TTLL7: variants seen among roughly 807,000 people sequenced by gnomAD.
TTLL7 encodes the protein tubulin tyrosine ligase like 7, also known as tubulin polyglutamylase TTLL7.
A neutral mutation model predicts 120.2 loss-of-function variants in TTLL7; 53 were observed. That is an observed-to-expected ratio of 0.44 (90% confidence interval 0.35 to 0.55). TTLL7 has a LOEUF of 0.55. Among genes scored for constraint, TTLL7 ranks in the 20% least tolerant of loss-of-function variants. The pLI is 0.00. For synonymous variants in TTLL7, 353 were observed against 351.7 expected (o/e 1.00, Z -0.04); for missense variants, 803 against 1,054.7 (o/e 0.76, Z 3.31).
rs377614462 is a variant in TTLL7, at chr1:83,870,636, C to T, written c.2544-554G>A. Among the ~76,000 whole-genome samples the T allele has an allele frequency of 4.5e-4, 69 of 152,226 alleles. 1 individual carries two copies. The South Asian group carries it at 0.013, about 28-fold the overall frequency. On this transcript the variant is annotated intron_variant, in intron 20 of 20. Coordinates refer to ENST00000260505, the MANE Select transcript of TTLL7 (RefSeq NM_024686.6). Reference sequence around the variant, plus strand: ...AGAATATCAAAAACAATCAGCCAGGCGCAGTGGCTCACGCCTGTAATCCCA... The same window carrying T: ...AGAATATCAAAAACAATCAGCCAGGTGCAGTGGCTCACGCCTGTAATCCCA...
At chr1:83,882,923 T>C in intron 20 of TTLL7, 40 bp downstream of exon 20, 3 of 1,586,940 alleles carry the variant, frequency 1.9e-6, no homozygotes, top group East Asian at 2.2e-5. Context: ...AGCATTACTT[T>C]ACATAAAACT....
intron 1 of TTLL7, among the ~76,000 whole-genome samples, chr1:83,953,309 T>G (rs149282294): frequency 6.6e-6 from 1 of 152,168 alleles, no homozygotes; most frequent in Non-Finnish European, 1.5e-5. Context: ...AATCCTTCAG[T>G]TCTTGTAAAA....
In TTLL7 at chr1:83,897,470, C is replaced by T. The variant is rs539481189; in HGVS notation, c.2208+6609G>A. Among the ~76,000 whole-genome samples, 8 of 152,186 alleles carry T rather than the reference C, an allele frequency of 5.3e-5. No individual in the cohort carries two copies. In the South Asian group the frequency reaches 6.2e-4, roughly 12 times the overall value. On this transcript the variant is annotated intron_variant, in intron 18 of 20. Transcript: ENST00000260505. ...ATGTTTGTTAAATTAAAATGTATCACGCACAGCCTTTGTGGCAGCCATGGA... is the reference window on the plus strand; with the variant it reads ...ATGTTTGTTAAATTAAAATGTATCATGCACAGCCTTTGTGGCAGCCATGGA...
chr1:83,890,809 A>G (rs1655400534), intron 18 of TTLL7, among the ~76,000 whole-genome samples: 1 of 152,174 alleles, frequency 6.6e-6, no homozygotes, highest in Non-Finnish European at 1.5e-5. Context: ...GTCTAGAAAT[A>G]GGCCCATGCA....
At chr1:83,941,008 T>C (rs974074986) in intron 7 of TTLL7, among the ~76,000 whole-genome samples, 1 of 152,172 alleles carries the variant, frequency 6.6e-6, no homozygotes, top group Non-Finnish European at 1.5e-5. Flanking sequence ...TATTCTATAC[T>C]TTAGCCAAAC....
At position 83,921,252 on chromosome 1, in the gene TTLL7, CTT is replaced by C; in HGVS notation, c.1283_1284del (p.Glu428GlyfsTer19). On this transcript the variant is annotated frameshift_variant, in exon 11 of 21. Transcript: ENST00000260505. LOFTEE classifies it high-confidence loss of function. ...QQRHQLERRK[E>X]ELKERLAQVR... ...CTTTCTTAAAACTTTCATACCAACT[CTT>C]CTTTCCGCCTCTCCAACTGGTGTCT... The C allele has an allele frequency of 6.2e-7, 1 of 1,612,220 alleles. No individual in the cohort carries two copies. Among genetic ancestry groups the C allele is most frequent in the Non-Finnish European group, 8.5e-7 (1 of 1,179,442 alleles).
rs538650492 is a variant in TTLL7, at chr1:83,916,882, G to A, written c.1587+722C>T. On this transcript the variant is annotated intron_variant, in intron 14 of 20. Transcript: ENST00000260505. The stretch of plus-strand genomic sequence containing the variant: ...AGGCAGGAGGATCGCCTGAAACCAG[G>A]GGTTCAAGACCAGCCTTGGCAACAC... Among the ~76,000 whole-genome samples the A allele has an allele frequency of 1.6e-4, 24 of 151,996 alleles. No individual in the cohort carries two copies. The East Asian group carries it at 4.5e-3, about 28-fold the overall frequency.
At chr1:83,988,764 G>A (rs149826901) in intron 1 of TTLL7, among the ~76,000 whole-genome samples, 6 of 151,730 alleles carry the variant, frequency 4.0e-5, no homozygotes, top group Non-Finnish European at 5.9e-5. Context: ...GCTGGGGTGC[G>A]GTGGCACGAT....
At chr1:83,885,078 A>G (rs960085833) in intron 19 of TTLL7, 1 of 300,584 alleles carries the variant, frequency 3.3e-6, no homozygotes, top group Non-Finnish European at 4.9e-6. Context: ...CTACTTACCT[A>G]ATTTGATTTT....
At chr1:83,920,297 A>G (rs1658529421) in intron 12 of TTLL7, among the ~76,000 whole-genome samples, 1 of 152,098 alleles carries the variant, frequency 6.6e-6, no homozygotes. Flanking sequence ...TTGGAGAAAT[A>G]CTGAACTTTA....
At chr1:83,882,749 A>G (rs954007637) in intron 20 of TTLL7, 16 of 442,134 alleles carry the variant, frequency 3.6e-5, no homozygotes, top group Admixed American at 2.2e-4. Flanking sequence ...AGTATGTTTT[A>G]TCACCTTTAG....
At chr1:83,966,791 C>A (rs1650499027) in intron 1 of TTLL7, among the ~76,000 whole-genome samples, 1 of 151,984 alleles carries the variant, frequency 6.6e-6, no homozygotes, top group Non-Finnish European at 1.5e-5. Flanking sequence ...AGTCCTGACA[C>A]CATTATCACT....
chr1:83,997,068 T>C (rs1415658650), intron 1 of TTLL7, among the ~76,000 whole-genome samples: 1 of 152,196 alleles, frequency 6.6e-6, no homozygotes, highest in East Asian at 1.9e-4. Context: ...CCACTTCTCA[T>C]ACTCTTGTTT....
chr1:83,907,749 AGCAGC>A, intron 15 of TTLL7, 88 bp from the exon 16 acceptor site: 2 of 1,157,016 alleles, frequency 1.7e-6, no homozygotes, highest in Non-Finnish European at 2.5e-6. Flanking sequence ...TAAAGATTAT[AGCAGC>A]TAGTAGTAAA....
intron 20 of TTLL7, among the ~76,000 whole-genome samples, chr1:83,879,270 T>C (rs1654230477): frequency 6.6e-6 from 1 of 151,986 alleles, no homozygotes; most frequent in Non-Finnish European, 1.5e-5. Context: ...TGAGTTTTAA[T>C]AGCTAGATAT....
intron 7 of TTLL7, among the ~76,000 whole-genome samples, chr1:83,939,927 A>G (rs957295507): frequency 6.6e-6 from 1 of 152,078 alleles, no homozygotes; most frequent in African/African-American, 2.4e-5. Flanking sequence ...TTTTTTCTAA[A>G]CTTACCTTTT....
At chr1:83,966,750 G>T (rs1418163956) in intron 1 of TTLL7, among the ~76,000 whole-genome samples, 1 of 151,994 alleles carries the variant, frequency 6.6e-6, no homozygotes, top group Non-Finnish European at 1.5e-5. Context: ...CTATAAAATT[G>T]TGATTATCTT....
intron 1 of TTLL7, chr1:83,984,228 G>C (rs555841490): frequency 6.6e-6 from 1 of 152,134 alleles, no homozygotes; most frequent in Non-Finnish European, 1.5e-5. Context: ...ATACCATCTC[G>C]CATCAGTCAG....
chr1:83,964,948 T>C (rs1182334894), intron 1 of TTLL7, among the ~76,000 whole-genome samples: 1 of 152,086 alleles, frequency 6.6e-6, no homozygotes, highest in African/African-American at 2.4e-5. Flanking sequence ...TATCCATATA[T>C]GCAAGTCTTA....
Sources: allele counts gnomAD v4.1 joint callset (sites outside exome capture counted in the v4.1 genomes callset), GRCh38; gene constraint gnomAD v4.1.1; transcripts MANE v1.5; gene names NCBI Gene and HGNC (gene_info 2026-07-23, HGNC 2026-07-21).